CCDC150: variants seen among roughly 807,000 people sequenced by gnomAD.
CCDC150 encodes the protein coiled-coil domain-containing protein 150.
CCDC150 carries 151 observed loss-of-function variants against 156.5 expected under a neutral mutation model. The observed-to-expected ratio is 0.97, with a 90% confidence interval of 0.85 to 1.10. CCDC150 has a LOEUF of 1.10. CCDC150 is among the 50% of genes least tolerant of loss of function. The pLI is 0.00. For missense variants in CCDC150, 1,312 were observed against 1,268.1 expected, an observed-to-expected ratio of 1.03 and a Z score of -0.53; for synonymous variants, 452 against 429.4, an observed-to-expected ratio of 1.05 and a Z score of -0.65.
rs776865395 is a variant in CCDC150 at position 196,665,626 on chromosome 2, A to G, written c.705A>G (p.Ser235=). The G allele has an allele frequency of 1.9e-5, 31 of 1,605,726 alleles. No homozygotes were observed. Among genetic ancestry groups the G allele is most frequent in the African/African-American group, 2.7e-5 (2 of 74,798 alleles). Residue 235 remains serine, a synonymous_variant, in exon 6 of 28, where the codon TCA becomes TCG. Transcript: ENST00000389175. ...YLRESLEKSA[S]AMLLKIQEMG... Reference sequence around the variant, plus strand: ...GGGAATCTTTAGAGAAATCAGCATCAGCCATGCTCCTCAAAATACAAGAAA... The same window carrying G: ...GGGAATCTTTAGAGAAATCAGCATCGGCCATGCTCCTCAAAATACAAGAAA...
chr2:196,658,544 A>G (rs772903912), intron 4 of CCDC150, among the ~76,000 whole-genome samples: 4 of 152,202 alleles, frequency 2.6e-5, no homozygotes, highest in Non-Finnish European at 4.4e-5. Context: ...GGTGGGTGCG[A>G]TTAATCACTG....
At chr2:196,679,003 A>G (rs1448603600) in intron 13 of CCDC150, among the ~76,000 whole-genome samples, 2 of 152,230 alleles carry the variant, frequency 1.3e-5, no homozygotes, top group African/African-American at 4.8e-5. Context: ...ATTCGTCTTA[A>G]TGTAGACTAA....
At chr2:196,730,174 A>ACTACTGGGCTTTG in intron 25 of CCDC150, 56 bp downstream of exon 25, 1 of 1,489,718 alleles carries the variant, frequency 6.7e-7, no homozygotes, top group African/African-American at 1.4e-5. Context: ...CATGTGCCAA[A>ACTACTGGGCTTTG]GCCCAGTAGT....
At chr2:196,719,371 C>T (rs958951464) in intron 18 of CCDC150, 126 bp from the exon 19 acceptor site, 3 of 623,288 alleles carry the variant, frequency 4.8e-6, no homozygotes, top group Non-Finnish European at 7.6e-6. Flanking sequence ...TTTAATTATT[C>T]CCACTAGCAT....
intron 22 of CCDC150, among the ~76,000 whole-genome samples, chr2:196,728,802 A>G (rs1698360218): frequency 6.6e-6 from 1 of 152,100 alleles, no homozygotes; most frequent in African/African-American, 2.4e-5. Context: ...TTTAATTGTT[A>G]TTTGTATTCT....
At chr2:196,684,596 T>C (rs796298803) in intron 13 of CCDC150, among the ~76,000 whole-genome samples, 1 of 152,114 alleles carries the variant, frequency 6.6e-6, no homozygotes, top group Admixed American at 6.5e-5. Context: ...GTCTTCTGTT[T>C]CCGCATTAAT....
chr2:196,675,465 G>C (rs1694437782), intron 10 of CCDC150, among the ~76,000 whole-genome samples: 1 of 152,074 alleles, frequency 6.6e-6, no homozygotes, highest in Admixed American at 6.6e-5. Context: ...TAAAATAGAA[G>C]TTTTTTAAAA....
Position 196,730,117 on chromosome 2 carries a change from A to G in CCDC150, c.2981A>G (p.Gln994Arg). Reference sequence around the variant, plus strand: ...AGGCAGGAGCTAGAGAATCGGTGCCAGGTAAAAGGTTTCCTAAGATTCATC... The same window carrying G: ...AGGCAGGAGCTAGAGAATCGGTGCCGGGTAAAAGGTTTCCTAAGATTCATC... Reference protein sequence around the residue: ...KIRQELENRCQELEETVRHLK... With the variant: ...KIRQELENRCRELEETVRHLK... Residue 994 changes from glutamine to arginine, a missense_variant and splice_region_variant, in exon 25 of 28, where the codon CAG becomes CGG. Physicochemically the swap from Gln to Arg is conservative, Grantham distance 43 (BLOSUM62 1). Transcript: ENST00000389175. 3 of 1,594,788 alleles carry G rather than the reference A, an allele frequency of 1.9e-6. No homozygotes were observed. The highest frequency in any genetic ancestry group is 2.6e-6 in the Non-Finnish European group (3 of 1,172,158).
chr2:196,674,402 GAA>G, intron 10 of CCDC150, 54 bp downstream of exon 10: 1 of 1,065,588 alleles, frequency 9.4e-7, no homozygotes, highest in East Asian at 2.5e-5. Flanking sequence ...GATAGATCAG[GAA>G]ATGTTTATGG....
intron 5 of CCDC150, among the ~76,000 whole-genome samples, chr2:196,662,656 G>T (rs530331537): frequency 6.6e-6 from 1 of 152,114 alleles, no homozygotes; most frequent in Non-Finnish European, 1.5e-5. Context: ...GGCCCCAGGG[G>T]TTGGCGACCC....
intron 15 of CCDC150, among the ~76,000 whole-genome samples, chr2:196,708,026 G>A (rs560012428): frequency 3.3e-5 from 5 of 152,130 alleles, no homozygotes; most frequent in South Asian, 2.1e-4. Context: ...TTAGGTCTGC[G>A]TGGTGCAAAG....
At position 196,665,559 on chromosome 2, in the gene CCDC150, C is replaced by T. The variant is rs749083634; in HGVS notation, c.646-8C>T. ...TTGGTCTTGCCTAACTGCAGTGTTG[C>T]TTTGTAGCTAAGGAGACAACTGGCT... On this transcript the variant is annotated splice_polypyrimidine_tract_variant and splice_region_variant and intron_variant, in intron 5 of 27. Coordinates refer to ENST00000389175, the MANE Select transcript of CCDC150 (RefSeq NM_001080539.2). The T allele has an allele frequency of 6.4e-7, 1 of 1,561,418 alleles. No individual in the cohort carries two copies. The highest frequency in any genetic ancestry group is 8.7e-7 in the Non-Finnish European group (1 of 1,143,722).
chr2:196,710,506 C>T (rs1031897464), intron 15 of CCDC150, among the ~76,000 whole-genome samples: 3 of 152,210 alleles, frequency 2.0e-5, no homozygotes, highest in African/African-American at 7.2e-5. Flanking sequence ...CTGTGGGCTG[C>T]ACCCACTGTC....
intron 4 of CCDC150, among the ~76,000 whole-genome samples, chr2:196,657,829 G>T (rs1417247408): frequency 6.6e-6 from 1 of 152,210 alleles, no homozygotes; most frequent in East Asian, 1.9e-4. Context: ...GATAGTACTG[G>T]GTCCCTGGGA....
rs1157532954 is a variant in CCDC150, at chr2:196,705,860, G to T, written c.1695+4680G>T. Among the ~76,000 whole-genome samples, 5 of 152,234 alleles carry T rather than the reference G, an allele frequency of 3.3e-5. No individual in the cohort carries two copies. The East Asian group carries it at 9.6e-4, about 29-fold the overall frequency. On this transcript the variant is annotated intron_variant, in intron 15 of 27. Transcript: ENST00000389175. ...CAGATTTGTCAAAGATCAGATGGTTGTAGATGTGTGGTGTTATTTCTGAGG... is the reference window on the plus strand; with the variant it reads ...CAGATTTGTCAAAGATCAGATGGTTTTAGATGTGTGGTGTTATTTCTGAGG...
In CCDC150 at chr2:196,656,947, C is replaced by T. The variant is rs758716984; in HGVS notation, c.398-11C>T. 16 of 1,612,660 alleles carry T rather than the reference C, an allele frequency of 9.9e-6. No homozygotes were observed. Among genetic ancestry groups the T allele is most frequent in the East Asian group, 4.5e-5 (2 of 44,830 alleles). On this transcript the variant is annotated splice_polypyrimidine_tract_variant and intron_variant, in intron 3 of 27. Coordinates refer to ENST00000389175, the MANE Select transcript of CCDC150 (RefSeq NM_001080539.2). The stretch of plus-strand genomic sequence containing the variant: ...TCTGCTGCTTGATGCCCCTCCTGTG[C>T]GGTCTGGTAGCTTTTCTGAAAGATC...
chr2:196,686,780 G>T (rs767587785), intron 13 of CCDC150, among the ~76,000 whole-genome samples: 10 of 151,898 alleles, frequency 6.6e-5, no homozygotes, highest in African/African-American at 1.2e-4. Context: ...TCCACCCTCT[G>T]ACACACCCAG....
At chr2:196,691,165 C>A (rs1166362421) in intron 13 of CCDC150, among the ~76,000 whole-genome samples, 1 of 152,054 alleles carries the variant, frequency 6.6e-6, no homozygotes, top group Non-Finnish European at 1.5e-5. Context: ...CTGAAGTTTT[C>A]TTTTTTTGTC....
intron 9 of CCDC150, among the ~76,000 whole-genome samples, chr2:196,673,544 C>G (rs1056317474): frequency 2.0e-5 from 3 of 152,124 alleles, no homozygotes; most frequent in African/African-American, 7.2e-5. Flanking sequence ...TTTTCTTTTA[C>G]TCCATTTTAT....
Sources: gnomAD v4.1 joint callset for allele counts (sites outside exome capture counted in the v4.1 genomes callset) on GRCh38, gnomAD v4.1.1 for gene constraint, MANE v1.5 for transcripts, NCBI Gene and HGNC (gene_info 2026-07-23, HGNC 2026-07-21) for gene names.